Variants in STS observed in about 807,000 individuals in gnomAD.
STS encodes steryl-sulfatase.
STS carries 7 observed loss-of-function variants against 26.8 expected under a neutral mutation model. That is an observed-to-expected ratio of 0.26 (90% CI 0.15 to 0.49). STS has a LOEUF of 0.49. Among genes scored for constraint, STS ranks in the 20% least tolerant of loss-of-function variants. The pLI is 0.98. For synonymous variants in STS, 199 were observed against 189.4 expected (o/e 1.05, Z -0.42); for missense variants, 434 against 465.6 (o/e 0.93, Z 0.63).
intron 1 of STS, among the ~76,000 whole-genome samples, chrX:7,159,935 G>A (rs1293813877): frequency 8.9e-6 from 1 of 112,071 alleles, no homozygotes; most frequent in Admixed American, 9.5e-5. Flanking sequence ...ATGAGCGTTC[G>A]GCTGGGATAC....
intron 2 of STS, among the ~76,000 whole-genome samples, chrX:7,226,506 G>A (rs775742674): frequency 5.4e-5 from 6 of 111,741 alleles, no homozygotes; most frequent in African/African-American, 1.9e-4. Flanking sequence ...GTAATTGCTT[G>A]ACAGTAAGAT....
chrX:7,220,543 A>ATTTTT (rs769097559), intron 2 of STS, among the ~76,000 whole-genome samples: 2 of 64,974 alleles, frequency 3.1e-5, no homozygotes, highest in African/African-American at 6.4e-5. Flanking sequence ...TGGATGTCAG[A>ATTTTT]TTTTTTTTTT....
At chrX:7,152,420 C>T (rs1000373985) in intron 1 of STS, among the ~76,000 whole-genome samples, 8 of 111,757 alleles carry the variant, frequency 7.2e-5, no homozygotes, top group Non-Finnish European at 1.5e-4. Context: ...CGGGTTCAAG[C>T]GATCCTGTCA....
intron 8 of STS, among the ~76,000 whole-genome samples, chrX:7,324,317 T>G (rs1280337763): frequency 9.0e-6 from 1 of 110,558 alleles, no homozygotes; most frequent in Non-Finnish European, 1.9e-5. Context: ...AAGGTTCTTA[T>G]GATGCAGATG....
chrX:7,270,579 C>T (rs1924220541), intron 6 of STS, among the ~76,000 whole-genome samples: 1 of 111,891 alleles, frequency 8.9e-6, no homozygotes, highest in Non-Finnish European at 1.9e-5. Context: ...TTTTGTATGT[C>T]AAACCTAATC....
chrX:7,342,097 G>A (rs1928315633), intron 10 of STS, among the ~76,000 whole-genome samples: 2 of 112,027 alleles, frequency 1.8e-5, no homozygotes, highest in Non-Finnish European at 3.8e-5. Flanking sequence ...ACAGGTGAGG[G>A]CCACTGTGCC....
intron 10 of STS, among the ~76,000 whole-genome samples, chrX:7,338,950 G>C (rs1431259259): frequency 8.9e-6 from 1 of 111,860 alleles, no homozygotes; most frequent in Non-Finnish European, 1.9e-5. Context: ...CCAAAGGAAT[G>C]TGTTCCTTTC....
At chrX:7,182,803 C>T (rs1365586552) in intron 1 of STS, among the ~76,000 whole-genome samples, 1 of 110,835 alleles carries the variant, frequency 9.0e-6, no homozygotes, top group Admixed American at 9.7e-5. Context: ...ACAGAAGGGA[C>T]CTTATATCAG....
intron 10 of STS, 130 bp from the exon 11 acceptor site, chrX:7,349,758 T>C (rs1928703680): frequency 1.1e-6 from 1 of 925,800 alleles, no homozygotes; most frequent in Admixed American, 2.3e-5. Flanking sequence ...ATTAACATTG[T>C]GTCTGCAGCC....
At chrX:7,177,961 A>G (rs2147003127) in intron 1 of STS, among the ~76,000 whole-genome samples, 1 of 110,761 alleles carries the variant, frequency 9.0e-6, no homozygotes, top group East Asian at 2.9e-4. Flanking sequence ...CGCCATTTCT[A>G]GCTAATTTTT....
chrX:7,215,118 C>T (rs11795942), intron 2 of STS, among the ~76,000 whole-genome samples: 21,918 of 71,935 alleles, frequency 0.3, 2,487 homozygotes, highest in Admixed American at 0.48. Flanking sequence ...CACATATATA[C>T]ACACACACAC....
chrX:7,148,132 T>C, intron 1 of STS, 49 bp downstream of exon 1: 1 of 1,094,253 alleles, frequency 9.1e-7, no homozygotes, highest in Non-Finnish European at 1.2e-6. Flanking sequence ...CTTCTGGGTC[T>C]GGGTGGGGGC....
chrX:7,335,309 G>A (rs1927963222), intron 10 of STS, among the ~76,000 whole-genome samples: 1 of 112,443 alleles, frequency 8.9e-6, no homozygotes, highest in Admixed American at 9.4e-5. Flanking sequence ...TCTAACTGAT[G>A]TGAGATGGTA....
chrX:7,297,908 AG>A (rs1302470717), intron 7 of STS, among the ~76,000 whole-genome samples: 1 of 111,456 alleles, frequency 9.0e-6, no homozygotes, highest in Non-Finnish European at 1.9e-5. Flanking sequence ...TCTGCCTCCC[AG>A]TTCCTTAGTT....
At chrX:7,207,564 G>C (rs1024413725) in intron 2 of STS, among the ~76,000 whole-genome samples, 11 of 111,657 alleles carry the variant, frequency 9.9e-5, no homozygotes, top group Non-Finnish European at 1.7e-4. Flanking sequence ...TCATAAAAGG[G>C]TCTTTTAGGT....
At chrX:7,323,861 C>G (rs781460564) in intron 8 of STS, among the ~76,000 whole-genome samples, 7 of 111,190 alleles carry the variant, frequency 6.3e-5, no homozygotes, top group Non-Finnish European at 1.1e-4. Context: ...TTGGGGTGCC[C>G]TTCTCTGCCT....
At chrX:7,305,550 T>C (rs1469204459) in intron 8 of STS, among the ~76,000 whole-genome samples, 1 of 112,408 alleles carries the variant, frequency 8.9e-6, no homozygotes, top group Non-Finnish European at 1.9e-5. Flanking sequence ...CTTACAGTTC[T>C]AGAAGTCAGA....
chrX:7,334,339 A>T (rs1182683120), intron 10 of STS, among the ~76,000 whole-genome samples: 1 of 111,093 alleles, frequency 9.0e-6, no homozygotes, highest in Non-Finnish European at 1.9e-5. Flanking sequence ...CACCCACCTG[A>T]ACACCACCCA....
At chrX:7,326,007 T>C (rs148004204) in intron 9 of STS, among the ~76,000 whole-genome samples, 1 of 111,917 alleles carries the variant, frequency 8.9e-6, no homozygotes, top group Non-Finnish European at 1.9e-5. Context: ...GTTGGAGTCA[T>C]ATTTTTAGGT....
Sources: gnomAD v4.1 joint callset for allele counts (sites outside exome capture counted in the v4.1 genomes callset) on GRCh38, gnomAD v4.1.1 for gene constraint, MANE v1.5 for transcripts, NCBI Gene and HGNC (gene_info 2026-07-23, HGNC 2026-07-21) for gene names.